Variants in SRL observed in about 807,000 individuals in gnomAD.
SRL encodes sarcalumenin.
In SRL, 23 loss-of-function variants were observed where a neutral mutation model predicts 39.5. The ratio of observed to expected loss-of-function variants is 0.58; its 90% CI spans 0.42 to 0.82. The LOEUF (loss-of-function observed/expected upper bound fraction) is 0.82. SRL is among the 40% of genes least tolerant of loss of function. The probability of loss-of-function intolerance (pLI) is 0.00; values close to 1 mark genes in which losing one functional copy is unlikely to be tolerated. For synonymous variants in SRL, 272 were observed against 237.4 expected, an observed-to-expected ratio of 1.15 and a Z score of -1.34; for missense variants, 592 against 607.8, an observed-to-expected ratio of 0.97 and a Z score of 0.27.
chr16:4,226,704 G>A (rs1217898658), intron 1 of SRL, among the ~76,000 whole-genome samples: 2 of 151,966 alleles, frequency 1.3e-5, no homozygotes, highest in Admixed American at 1.3e-4. Flanking sequence ...AGGAATGGAA[G>A]GATGAATGGA....
chr16:4,240,143 T>A (rs781028598), intron 1 of SRL, among the ~76,000 whole-genome samples: 1 of 152,118 alleles, frequency 6.6e-6, no homozygotes, highest in Non-Finnish European at 1.5e-5. Flanking sequence ...AGGAAGCAGA[T>A]GGGAGTGGTG....
rs762109602 is a variant in SRL at position 4,208,341 on chromosome 16, C to T, written c.62-3707G>A. On this transcript the variant is annotated intron_variant, in intron 1 of 5. Coordinates refer to ENST00000399609, the MANE Select transcript of SRL (RefSeq NM_001098814.2). ...GGATCAGGGAGTTAAAGGACTGACC[C>T]GTTGTCCATCACTAACGAAGTGAGC... is the stretch of plus-strand genomic sequence containing the variant. Among the ~76,000 whole-genome samples, 10 of 152,260 alleles carry T rather than the reference C, an allele frequency of 6.6e-5. No homozygotes were observed. The South Asian group carries it at 1.0e-3, about 16-fold the overall frequency.
intron 1 of SRL, among the ~76,000 whole-genome samples, chr16:4,212,800 T>C (rs2052410419): frequency 6.6e-6 from 1 of 151,128 alleles, no homozygotes; most frequent in Non-Finnish European, 1.5e-5. Context: ...GCCACCAGCC[T>C]TTCTCGGGGG....
rs2052037082 is a variant in SRL at position 4,189,636 on chromosome 16, G to A, written c.*2517C>T. 6.6e-6 allele frequency: 1 copy of A among 152,258 alleles called. No homozygotes were observed. Among genetic ancestry groups the A allele is most frequent in the African/African-American group, 2.4e-5 (1 of 41,390 alleles). 9.4% of individuals were successfully genotyped at this position (152,258 alleles called of 1,614,324 possible). A position where few individuals can be genotyped will look rare whatever the true frequency, so the allele number is the denominator to read the frequency against. ...GCAGGCCTGTGAGCAGCAGAGACAA[G>A]AGAAATCAGAGAAGGAACACGAAAA... On this transcript the variant is annotated 3_prime_UTR_variant, in exon 6 of 6. Transcript: ENST00000399609.
chr16:4,196,541 G>T (rs1487591793), intron 4 of SRL, among the ~76,000 whole-genome samples: 1 of 148,646 alleles, frequency 6.7e-6, no homozygotes, highest in Non-Finnish European at 1.5e-5. Context: ...GAGTGCAGTG[G>T]CATGATCTCA....
At chr16:4,205,466 G>A (rs966447941) in intron 1 of SRL, among the ~76,000 whole-genome samples, 2 of 152,098 alleles carry the variant, frequency 1.3e-5, no homozygotes, top group Non-Finnish European at 2.9e-5. Flanking sequence ...ATGATGAGGT[G>A]GCCACAGAAG....
In SRL at chr16:4,201,637, T is replaced by TTTTC. The variant is rs2052232926; in HGVS notation, c.259+1528_259+1529insGAAA. Among the ~76,000 whole-genome samples, 2 of 122,244 alleles carry TTTTC rather than the reference T, an allele frequency of 1.6e-5. 1 individual carries two copies. Among genetic ancestry groups the TTTTC allele is most frequent in the African/African-American group, 7.6e-5 (2 of 26,334 alleles). The allele number at this position is 122,244 out of a possible 152,430, so 80.2% of individuals were successfully genotyped here. ...GCTGGGCCCAATTTTTGTGTGTGTG[T>TTTTC]TTTGTTTGTTTGTTTGTTTGTTTGT... On this transcript the variant is annotated intron_variant, in intron 3 of 5. Coordinates refer to ENST00000399609, the MANE Select transcript of SRL (RefSeq NM_001098814.2).
chr16:4,218,544 G>A (rs539847286), intron 1 of SRL, among the ~76,000 whole-genome samples: 45 of 152,258 alleles, frequency 3.0e-4, no homozygotes, highest in African/African-American at 1.0e-3. Context: ...ATACAGCGGC[G>A]CTTTGCTCCT....
chr16:4,206,712 G>A (rs1715812964), intron 1 of SRL: 1 of 456,300 alleles, frequency 2.2e-6, no homozygotes, highest in Admixed American at 2.4e-5. Flanking sequence ...TTGCTGTTAG[G>A]GAATTAATTC....
chr16:4,219,383 A>G (rs2052495862), intron 1 of SRL, among the ~76,000 whole-genome samples: 1 of 152,142 alleles, frequency 6.6e-6, no homozygotes, highest in Admixed American at 6.5e-5. Context: ...TATTGTTCCT[A>G]CAAAGGACAG....
chr16:4,203,993 C>T (rs185662957), intron 2 of SRL, among the ~76,000 whole-genome samples: 40 of 152,298 alleles, frequency 2.6e-4, no homozygotes, highest in Non-Finnish European at 4.7e-4. Flanking sequence ...TGCTGGGAGC[C>T]CACAGTGGGA....
intron 3 of SRL, among the ~76,000 whole-genome samples, chr16:4,201,878 A>T (rs2052238153): frequency 1.3e-5 from 2 of 150,474 alleles, no homozygotes; most frequent in Admixed American, 1.3e-4. Context: ...CTGGTCTCGA[A>T]CTCCTGACCT....
At chr16:4,240,800 G>A (rs1349537963) in intron 1 of SRL, among the ~76,000 whole-genome samples, 3 of 152,146 alleles carry the variant, frequency 2.0e-5, no homozygotes, top group Admixed American at 6.5e-5. Flanking sequence ...TTGGGGCTCC[G>A]GATCCAATTA....
intron 5 of SRL, among the ~76,000 whole-genome samples, chr16:4,194,479 G>C (rs2052108177): frequency 6.6e-6 from 1 of 152,140 alleles, no homozygotes; most frequent in African/African-American, 2.4e-5. Flanking sequence ...AGCAACCCTG[G>C]AAAAGCAGAA....
At position 4,202,986 on chromosome 16, in the gene SRL, T is replaced by C. The variant is rs1435649411; in HGVS notation, c.259+180A>G. Among the ~76,000 whole-genome samples the C allele has an allele frequency of 4.6e-5, 7 of 152,150 alleles. No homozygotes were observed. The South Asian group carries it at 1.0e-3, about 23-fold the overall frequency. ...GGGTAGTTCCGTGATGGAGGTGTCGTCCTTTCCAACTCCCAGGGGGAGCCC... is the reference window on the plus strand; with the variant it reads ...GGGTAGTTCCGTGATGGAGGTGTCGCCCTTTCCAACTCCCAGGGGGAGCCC... On this transcript the variant is annotated intron_variant, in intron 3 of 5. Coordinates refer to ENST00000399609, the MANE Select transcript of SRL (RefSeq NM_001098814.2).
At chr16:4,198,603 C>A (rs2052180043) in intron 3 of SRL, among the ~76,000 whole-genome samples, 1 of 151,728 alleles carries the variant, frequency 6.6e-6, no homozygotes, top group African/African-American at 2.4e-5. Flanking sequence ...CACCACTATG[C>A]CCAGCAAATT....
chr16:4,199,137 C>T (rs1440413770), intron 3 of SRL, among the ~76,000 whole-genome samples: 15 of 152,174 alleles, frequency 9.9e-5, no homozygotes, highest in Non-Finnish European at 1.5e-5. Flanking sequence ...AAACACTAGG[C>T]ACTCCCCTTT....
chr16:4,204,604 G>A lies in SRL; in HGVS notation c.92C>T (p.Pro31Leu). 1.9e-6 allele frequency: 3 copies of A among 1,614,162 alleles called. No individual in the cohort carries two copies. The highest frequency in any genetic ancestry group is 2.5e-6 in the Non-Finnish European group (3 of 1,180,028). The change falls in exon 2 of 6, where the codon CCA (proline) becomes CTA (leucine). Residue 31 changes from proline to leucine, a missense_variant. Pro to Leu is a moderately conservative substitution (Grantham distance 98, BLOSUM62 -3). Transcript: ENST00000399609. Reference sequence around the variant, plus strand: ...CTCGATGTGGGAGCGGTCCCTCAATGGGGCTTCTTCATTTGCATCCTCCGT... The same window carrying A: ...CTCGATGTGGGAGCGGTCCCTCAATAGGGCTTCTTCATTTGCATCCTCCGT... ...EETEDANEEA[P>L]LRDRSHIEKT... is the part of the protein sequence containing the mutation.
chr16:4,232,491 C>T (rs1399139958), intron 1 of SRL, among the ~76,000 whole-genome samples: 1 of 152,044 alleles, frequency 6.6e-6, no homozygotes, highest in African/African-American at 2.4e-5. Context: ...CTTGGTCAAG[C>T]CTTTACCTAT....
Sources: allele counts gnomAD v4.1 joint callset (sites outside exome capture counted in the v4.1 genomes callset), GRCh38; gene constraint gnomAD v4.1.1; transcripts MANE v1.5; gene names NCBI Gene and HGNC (gene_info 2026-07-23, HGNC 2026-07-21).